CHRND: variants seen among roughly 807,000 people sequenced by gnomAD.
CHRND encodes cholinergic receptor nicotinic delta subunit, also known as acetylcholine receptor subunit delta.
In CHRND, 40 loss-of-function variants were observed where a neutral mutation model predicts 57.8. That is an observed-to-expected ratio of 0.69 (90% CI 0.54 to 0.90). The LOEUF (loss-of-function observed/expected upper bound fraction) is 0.90. Ranked by LOEUF, CHRND falls within the 40% of genes least tolerant of loss-of-function variation. CHRND has a pLI of 0.00. For synonymous variants in CHRND, 237 were observed against 270.6 expected (o/e 0.88, Z 1.22); for missense variants, 634 against 673.9 (o/e 0.94, Z 0.66).
At position 232,531,639 on chromosome 2, in the gene CHRND, T is replaced by C. The variant is rs753259615; in HGVS notation, c.1030T>C (p.Ser344Pro). Residue 344 changes from serine to proline, a missense_variant, in exon 9 of 12, where the codon TCT becomes CCT. Coordinates refer to ENST00000258385, the MANE Select transcript of CHRND (RefSeq NM_000751.3). ...HFRTPSTHVLSEGVKKLFLET... is the reference protein window; with the variant it reads ...HFRTPSTHVLPEGVKKLFLET... ...CCGAACACCCAGCACCCATGTGCTG[T>C]CTGAGGGGGTCAAGAAGGTGAGTAC... 1 of 1,613,086 alleles carries C rather than the reference T, an allele frequency of 6.2e-7. No homozygotes were observed. Among genetic ancestry groups the C allele is most frequent in the South Asian group, 1.1e-5 (1 of 91,064 alleles).
intron 2 of CHRND, 79 bp from the exon 3 acceptor site, chr2:232,527,313 AGAGAGAGAG>A (rs1691511793): frequency 2.8e-6 from 3 of 1,063,766 alleles, no homozygotes; most frequent in East Asian, 2.4e-5. Flanking sequence ...AAAAAAAAAG[AGAGAGAGAG>A]AGAGAGAGAG....
At chr2:232,534,176 A>T (rs761101107) in intron 10 of CHRND, 41 bp downstream of exon 10, 3 of 1,614,018 alleles carry the variant, frequency 1.9e-6, no homozygotes, top group Admixed American at 1.7e-5. Flanking sequence ...CATCTGTGGG[A>T]GGTGGGTGGA....
At chr2:232,527,910 G>C (rs1010342296) in intron 3 of CHRND, among the ~76,000 whole-genome samples, 1 of 152,220 alleles carries the variant, frequency 6.6e-6, no homozygotes, top group Non-Finnish European at 1.5e-5. Flanking sequence ...CCCCCACCTA[G>C]TGCCCTCACC....
At chr2:232,528,215 C>T in intron 3 of CHRND, 47 bp from the exon 4 acceptor site, 12 of 1,568,304 alleles carry the variant, frequency 7.7e-6, no homozygotes, top group Non-Finnish European at 1.1e-5. Flanking sequence ...GAGCCAGGAG[C>T]CTGGATGGCT....
At position 232,528,947 on chromosome 2, in the gene CHRND, A is replaced by C; in HGVS notation, c.595A>C (p.Ile199Leu). The C allele has an allele frequency of 1.2e-6, 2 of 1,614,132 alleles. No individual in the cohort carries two copies. Among genetic ancestry groups the C allele is most frequent in the South Asian group, 2.2e-5 (2 of 91,082 alleles). Residue 199 changes from isoleucine to leucine, a missense_variant, in exon 6 of 12, where the codon ATC (isoleucine) becomes CTC (leucine). Transcript: ENST00000258385. The stretch of plus-strand genomic sequence containing the variant: ...CCGCACCTACCCCGTGGAGTGGATC[A>C]TCATTGATCCTGAAGGCTTCACAGG... ...ENRTYPVEWI[I>L]IDPEGFTENG...
In CHRND at chr2:232,531,308, T is replaced by C. The variant is rs761495130; in HGVS notation, c.821-44T>C. On this transcript the variant is annotated intron_variant, in intron 7 of 11. Transcript: ENST00000258385. Reference sequence around the variant, plus strand: ...GCCCCAAGGTCACAGCTGGACCCTCTAGGACCGGTGCCCCAAGGTCACAGC... The same window carrying C: ...GCCCCAAGGTCACAGCTGGACCCTCCAGGACCGGTGCCCCAAGGTCACAGC... 3 of 1,247,340 alleles carry C rather than the reference T, an allele frequency of 2.4e-6. No homozygotes were observed. The South Asian group carries it at 3.8e-5, about 16-fold the overall frequency. The allele number at this position is 1,247,340 out of a possible 1,614,324, so 77.3% of individuals were successfully genotyped here. A position where few individuals can be genotyped will look rare whatever the true frequency, so the allele number is the denominator to read the frequency against.
Position 232,527,540 on chromosome 2 carries a change from C to A in CHRND, c.243+95C>A, listed in dbSNP as rs1309089881. On this transcript the variant is annotated intron_variant, in intron 3 of 11. Transcript: ENST00000258385. ...GGGGTGGATCACGAGGTCAGGAGAT[C>A]AAGACCATCTTGGCTGACACGGTGA... The A allele has an allele frequency of 3.3e-5, 31 of 929,250 alleles. No individual in the cohort carries two copies. In the East Asian group the frequency reaches 7.0e-4, roughly 21 times the overall value. The allele number at this position is 929,250 out of a possible 1,614,324, so 57.6% of individuals were successfully genotyped here.
In CHRND at chr2:232,534,261, A is replaced by G; in HGVS notation, c.1290A>G (p.Glu430=). The G allele has an allele frequency of 6.2e-7, 1 of 1,613,980 alleles. No homozygotes were observed. Among genetic ancestry groups the G allele is most frequent in the Non-Finnish European group, 8.5e-7 (1 of 1,179,984 alleles). Residue 430 remains glutamate (E), a synonymous_variant, in exon 11 of 12, where the codon GAA becomes GAG. Transcript: ENST00000258385. ...PPASSEQAQQ[E]LFNELKPAVD... ...CAAGCTCTGAGCAGGCCCAGCAGGA[A>G]CTCTTCAATGAGCTGAAGCCAGCTG...
Position 232,526,280 on chromosome 2 carries a change from A to T in CHRND, c.52+13A>T. The T allele has an allele frequency of 1.2e-6, 2 of 1,609,190 alleles. No individual in the cohort carries two copies. The highest frequency in any genetic ancestry group is 1.7e-6 in the Non-Finnish European group (2 of 1,178,132). On this transcript the variant is annotated intron_variant, in intron 1 of 11. Coordinates refer to ENST00000258385, the MANE Select transcript of CHRND (RefSeq NM_000751.3). ...CTGGCGGTGTGTGGTAAGGGAAGACACCCTCCCCACCCTGGGGTCCCCCGT... is the reference window on the plus strand; with the variant it reads ...CTGGCGGTGTGTGGTAAGGGAAGACTCCCTCCCCACCCTGGGGTCCCCCGT...
At chr2:232,526,398 C>G in intron 1 of CHRND, 131 bp downstream of exon 1, 2 of 1,534,932 alleles carry the variant, frequency 1.3e-6, no homozygotes, top group Non-Finnish European at 1.8e-6. Flanking sequence ...TCTGGGGTCC[C>G]CACTCCCAGG....
chr2:232,529,821 G>C (rs1012979927), intron 6 of CHRND, 118 bp from the exon 7 acceptor site: 1 of 1,061,802 alleles, frequency 9.4e-7, no homozygotes. Context: ...GGACCCCGTA[G>C]ACAGCCCATC....
In CHRND at chr2:232,534,017, C is replaced by A; in HGVS notation, c.1134C>A (p.Ser378Arg). 1 of 1,614,060 alleles carries A rather than the reference C, an allele frequency of 6.2e-7. No homozygotes were observed. Among genetic ancestry groups the A allele is most frequent in the South Asian group, 1.1e-5 (1 of 91,090 alleles). Residue 378 changes from serine (S) to arginine (R), a missense_variant, in exon 10 of 12, where the codon AGC becomes AGA. Coordinates refer to ENST00000258385, the MANE Select transcript of CHRND (RefSeq NM_000751.3). ...GPSPGALVRR[S>R]SSLGYISKAE... is the part of the protein sequence containing the mutation. Reference sequence around the variant, plus strand: ...GCCCTGGGGCCCTGGTGCGGAGGAGCAGCTCCCTGGGATACATCTCCAAGG... The same window carrying A: ...GCCCTGGGGCCCTGGTGCGGAGGAGAAGCTCCCTGGGATACATCTCCAAGG...
At position 232,536,617 on chromosome 2, in the gene CHRND, G is replaced by A. The variant is rs957428611; in HGVS notation, c.*1305G>A. ...CCAGCTAAGTGACTCCTGGATTCCT[G>A]ACCCCCAGAAACTGTGTGAGATAAT... On this transcript the variant is annotated 3_prime_UTR_variant, in exon 12 of 12. Coordinates refer to ENST00000258385, the MANE Select transcript of CHRND (RefSeq NM_000751.3). 1.4e-5 allele frequency: 5 copies of A among 369,376 alleles called. No homozygotes were observed. Among genetic ancestry groups the A allele is most frequent in the African/African-American group, 8.5e-5 (4 of 47,160 alleles). The allele number at this position is 369,376 out of a possible 1,614,324, so 22.9% of individuals were successfully genotyped here.
chr2:232,535,415 G>T lies in CHRND; in HGVS notation c.*103G>T, dbSNP rs1691851343. ...CCTGAGGCTCGTGCCCCTCAGACTG[G>T]GGAAGAGTCCAAGGAAGGGAGGGAG... On this transcript the variant is annotated 3_prime_UTR_variant, in exon 12 of 12. Coordinates refer to ENST00000258385, the MANE Select transcript of CHRND (RefSeq NM_000751.3). The T allele has an allele frequency of 7.0e-7, 1 of 1,420,192 alleles. No individual in the cohort carries two copies. Among genetic ancestry groups the T allele is most frequent in the Non-Finnish European group, 9.8e-7 (1 of 1,024,372 alleles). 88.0% of individuals were successfully genotyped at this position (1,420,192 alleles called of 1,614,324 possible). A position where few individuals can be genotyped will look rare whatever the true frequency, so the allele number is the denominator to read the frequency against.
chr2:232,533,748 C>T lies in CHRND; in HGVS notation c.1048-183C>T, dbSNP rs939005428. Among the ~76,000 whole-genome samples the T allele has an allele frequency of 4.0e-5, 6 of 151,620 alleles. 1 individual carries two copies. The highest frequency in any genetic ancestry group is 1.2e-4 in the African/African-American group (5 of 41,316). On this transcript the variant is annotated intron_variant, in intron 9 of 11. Coordinates refer to ENST00000258385, the MANE Select transcript of CHRND (RefSeq NM_000751.3). ...CAAAAATTAGCTGGGCATGGTGGCG[C>T]GTGCCTGTAGTCCCAACTACTTGGG...
At chr2:232,532,328 C>T (rs7577190) in intron 9 of CHRND, among the ~76,000 whole-genome samples, 2,415 of 151,152 alleles carry the variant, frequency 0.016, 62 homozygotes, top group African/African-American at 0.055. Flanking sequence ...ATTAGCCAGG[C>T]GTGATAGTGT....
At position 232,530,003 on chromosome 2, in the gene CHRND, G is replaced by A; in HGVS notation, c.684G>A (p.Leu228=). 3.1e-6 allele frequency: 5 copies of A among 1,614,142 alleles called. No homozygotes were observed. Among genetic ancestry groups the A allele is most frequent in the Non-Finnish European group, 4.2e-6 (5 of 1,180,030 alleles). ...ARVNVDPRAP[L]DSPSRQDITF... ...TCAACGTGGACCCCAGAGCCCCTCT[G>A]GACAGCCCCAGCCGCCAGGACATCA... is the stretch of plus-strand genomic sequence containing the variant. Residue 228 remains leucine (L), a synonymous_variant, in exon 7 of 12, where the codon CTG becomes CTA. Transcript: ENST00000258385.
At chr2:232,528,428 C>G (rs1372641140) in intron 4 of CHRND, 57 bp downstream of exon 4, 18 of 1,613,486 alleles carry the variant, frequency 1.1e-5, no homozygotes, top group Non-Finnish European at 1.5e-5. Flanking sequence ...TTCCTTAAGC[C>G]TCCTCTGCCT....
rs1246885586 is a variant in CHRND at position 232,535,805 on chromosome 2, A to G, written c.*493A>G. The stretch of plus-strand genomic sequence containing the variant: ...GGACACCTCCCTCCCTCCAGACCCC[A>G]GAGTATCCTTTCCTAGCTCTTTCTG... On this transcript the variant is annotated 3_prime_UTR_variant, in exon 12 of 12. Transcript: ENST00000258385. 4.4e-6 allele frequency: 2 copies of G among 454,386 alleles called. No homozygotes were observed. The highest frequency in any genetic ancestry group is 8.8e-6 in the Non-Finnish European group (2 of 227,062). 28.1% of individuals were successfully genotyped at this position (454,386 alleles called of 1,614,324 possible). A position where few individuals can be genotyped will look rare whatever the true frequency, so the allele number is the denominator to read the frequency against.
Sources: allele counts gnomAD v4.1 joint callset (sites outside exome capture counted in the v4.1 genomes callset), GRCh38; gene constraint gnomAD v4.1.1; transcripts MANE v1.5; gene names NCBI Gene and HGNC (gene_info 2026-07-23, HGNC 2026-07-21).